The following CKAP5 variants were observed in gnomAD, a reference collection of about 807,000 sequenced individuals.
CKAP5 encodes the protein cytoskeleton associated protein 5, also known as cytoskeleton-associated protein 5.
A neutral mutation model predicts 232.8 loss-of-function variants in CKAP5; 27 were observed. The ratio of observed to expected loss-of-function variants is 0.12; its 90% CI spans 0.09 to 0.16. The LOEUF (loss-of-function observed/expected upper bound fraction) is 0.16. Among genes scored for constraint, CKAP5 ranks in the 10% least tolerant of loss-of-function variants. The pLI, the probability that CKAP5 is intolerant of heterozygous loss-of-function variation, is 1.00. For synonymous variants in CKAP5, 785 were observed against 841.1 expected (o/e 0.93, Z 1.16); for missense variants, 1,838 against 2,424.7 (o/e 0.76, Z 5.08).
chr11:46,747,558 T>A lies in CKAP5; in HGVS notation c.5704+2716A>T, dbSNP rs2065031300. ...CGGAGGGTGCAGTGAGCCAAGATCG[T>A]GCCATAGCACTCCAGCCTGGGCGAG... On this transcript the variant is annotated intron_variant, in intron 42 of 43. Transcript: ENST00000529230. 2.1e-5 allele frequency among the ~76,000 whole-genome samples: 3 copies of A among 143,788 alleles called. No homozygotes were observed. In the South Asian group the frequency reaches 6.5e-4, roughly 31 times the overall value. The allele number at this position is 143,788 out of a possible 152,430, so 94.3% of individuals were successfully genotyped here. A position where few individuals can be genotyped will look rare whatever the true frequency, so the allele number is the denominator to read the frequency against.
At chr11:46,800,308 G>A (rs370210718) in intron 9 of CKAP5, among the ~76,000 whole-genome samples, 1 of 152,008 alleles carries the variant, frequency 6.6e-6, no homozygotes, top group Non-Finnish European at 1.5e-5. Flanking sequence ...CTTCAGTTAA[G>A]TTCTCTGAGA....
chr11:46,764,380 A>C (rs1187905807), intron 28 of CKAP5, among the ~76,000 whole-genome samples: 1 of 152,202 alleles, frequency 6.6e-6, no homozygotes, highest in African/African-American at 2.4e-5. Context: ...TAAATGTCCA[A>C]CATAGTGGGC....
chr11:46,824,609 A>G (rs1287922371), intron 1 of CKAP5, among the ~76,000 whole-genome samples: 1 of 152,216 alleles, frequency 6.6e-6, no homozygotes, highest in East Asian at 1.9e-4. Flanking sequence ...ATGTCTGTAA[A>G]ATACAATAAA....
intron 17 of CKAP5, 66 bp downstream of exon 17, chr11:46,784,422 A>C: frequency 1.6e-6 from 2 of 1,254,160 alleles, no homozygotes; most frequent in Non-Finnish European, 2.2e-6. Flanking sequence ...ATGTTTAATT[A>C]GTAAGCTTAA....
rs777290124 is a variant in CKAP5, at chr11:46,818,485, T to C, written c.76A>G (p.Ser26Gly). ...ATCTTCAGGGCCTCTTCATACCCAC[T>C]TAACCTTGCTTTCCACAGCTAAAAG... ...CEHKLWKARL[S>G]GYEEALKIFQ... is the part of the protein sequence containing the mutation. The change falls in exon 3 of 44, where the codon AGT becomes GGT. Residue 26 changes from serine to glycine, a missense_variant. Around this residue, in one of 6 missense-constraint regions of CKAP5, gnomAD observed 285 missense variants for 300.0 expected, o/e 0.95. Transcript: ENST00000529230. The C allele has an allele frequency of 3.2e-6, 5 of 1,576,120 alleles. No individual in the cohort carries two copies. In the African/African-American group the frequency reaches 5.5e-5, roughly 17 times the overall value.
At chr11:46,767,716 T>C in intron 26 of CKAP5, 53 bp from the exon 27 acceptor site, 1 of 1,117,524 alleles carries the variant, frequency 8.9e-7, no homozygotes, top group South Asian at 1.4e-5. Flanking sequence ...TATCATTTTA[T>C]TTTGGACAGG....
At chr11:46,813,449 C>A (rs1455903402) in intron 4 of CKAP5, among the ~76,000 whole-genome samples, 3 of 152,032 alleles carry the variant, frequency 2.0e-5, no homozygotes, top group Non-Finnish European at 4.4e-5. Flanking sequence ...AAAATAGACA[C>A]CTTAATAAAA....
At chr11:46,776,889 T>C (rs1336554872) in intron 23 of CKAP5, among the ~76,000 whole-genome samples, 1 of 152,180 alleles carries the variant, frequency 6.6e-6, no homozygotes, top group Non-Finnish European at 1.5e-5. Context: ...AGTATAGAGA[T>C]ATTCAAATAT....
chr11:46,821,342 AT>A, intron 1 of CKAP5, 74 bp from the exon 2 acceptor site: 1 of 631,628 alleles, frequency 1.6e-6, no homozygotes, highest in Non-Finnish European at 2.7e-6. Context: ...TTCTGAGATT[AT>A]TATTTTATCA....
chr11:46,751,519 C>T lies in CKAP5; in HGVS notation c.5149G>A (p.Val1717Ile). Residue 1717 changes from valine (V) to isoleucine (I), a missense_variant, in exon 39 of 44, where the codon GTT (valine) becomes ATT (isoleucine). Physicochemically the swap from Val to Ile is conservative, Grantham distance 29. Transcript: ENST00000529230. Reference sequence around the variant, plus strand: ...TTGATGGTATCAGGCAACAGTCGAACCATTCTCCAGAGACACTATTGAAAA... The same window carrying T: ...TTGATGGTATCAGGCAACAGTCGAATCATTCTCCAGAGACACTATTGAAAA... ...ELVMKCLWRM[V>I]RLLPDTINSI... The T allele has an allele frequency of 6.2e-7, 1 of 1,611,372 alleles. No individual in the cohort carries two copies. The highest frequency in any genetic ancestry group is 8.5e-7 in the Non-Finnish European group (1 of 1,178,914).
rs530961953 is a variant in CKAP5 at position 46,801,104 on chromosome 11, T to A, written c.1083+96A>T. 7 of 781,414 alleles carry A rather than the reference T, an allele frequency of 9.0e-6. No homozygotes were observed. The East Asian group carries it at 1.6e-4, about 18-fold the overall frequency. The allele number at this position is 781,414 out of a possible 1,614,324, so 48.4% of individuals were successfully genotyped here. On this transcript the variant is annotated intron_variant, in intron 9 of 43. Coordinates refer to ENST00000529230, the MANE Select transcript of CKAP5 (RefSeq NM_001008938.4). ...ATTTACTTTGTACAGTATATACACA[T>A]CTATGCCAAGGAGTTGTTTTAAAGC... is the stretch of plus-strand genomic sequence containing the variant.
intron 43 of CKAP5, 31 bp from the exon 44 acceptor site, chr11:46,744,296 G>A (rs1036347397): frequency 1.2e-6 from 2 of 1,613,534 alleles, no homozygotes; most frequent in Non-Finnish European, 1.7e-6. Context: ...ATTGTCTAAG[G>A]TCAGGTCAAG....
Position 46,796,817 on chromosome 11 carries a change from C to T in CKAP5, c.1462G>A (p.Asp488Asn). The T allele has an allele frequency of 1.2e-6, 2 of 1,613,818 alleles. No homozygotes were observed. Among genetic ancestry groups the T allele is most frequent in the Non-Finnish European group, 1.7e-6 (2 of 1,179,794 alleles). ...CCAATCCATTACTAACCTACCTTAT[C>T]AAGCTTGAGTTTGTCCACATCAGCT... Reference protein sequence around the residue: ...FLADVDKLKLDKIKECSEKVE... With the variant: ...FLADVDKLKLNKIKECSEKVE... Residue 488 changes from aspartate (D) to asparagine (N), a missense_variant, in exon 12 of 44, where the codon GAT becomes AAT. By Grantham distance (23) the Asp-to-Asn change is conservative. Around this residue, in one of 6 missense-constraint regions of CKAP5, gnomAD observed 767 missense variants for 954.6 expected, o/e 0.80. Transcript: ENST00000529230.
At chr11:46,790,862 G>T (rs1938702360) in intron 13 of CKAP5, among the ~76,000 whole-genome samples, 1 of 152,034 alleles carries the variant, frequency 6.6e-6, no homozygotes, top group African/African-American at 2.4e-5. Context: ...TGTTGCCCAG[G>T]CTGGTCTCGA....
chr11:46,745,011 AAGGT>A (rs768967556), intron 42 of CKAP5, among the ~76,000 whole-genome samples: 11 of 152,220 alleles, frequency 7.2e-5, no homozygotes, highest in Admixed American at 2.0e-4. Flanking sequence ...TGAAGGAAGC[AAGGT>A]GTCCAAGGCT....
Position 46,773,558 on chromosome 11 carries a change from T to C in CKAP5, c.2992-2576A>G, listed in dbSNP as rs180929646. On this transcript the variant is annotated intron_variant, in intron 24 of 43. Coordinates refer to ENST00000529230, the MANE Select transcript of CKAP5 (RefSeq NM_001008938.4). ...GCCACTGCAACTGGACTTTTTTTTT[T>C]TTGAGATGGAATCTTGCTCTGTTAC... is the stretch of plus-strand genomic sequence containing the variant. Among the ~76,000 whole-genome samples the C allele has an allele frequency of 1.7e-3, 255 of 150,234 alleles. 1 individual carries two copies. Among genetic ancestry groups the C allele is most frequent in the Non-Finnish European group, 3.3e-3 (220 of 67,506 alleles).
intron 9 of CKAP5, among the ~76,000 whole-genome samples, chr11:46,800,622 T>C (rs1044613139): frequency 1.3e-5 from 2 of 152,142 alleles, no homozygotes; most frequent in Non-Finnish European, 2.9e-5. Flanking sequence ...AACAAACTTA[T>C]ACAAATAGTA....
Position 46,770,680 on chromosome 11 carries a change from C to T in CKAP5, c.3186+108G>A, listed in dbSNP as rs1473643571. On this transcript the variant is annotated intron_variant, in intron 25 of 43. Coordinates refer to ENST00000529230, the MANE Select transcript of CKAP5 (RefSeq NM_001008938.4). ...CTGACCTCAGGTAATCCACCTGTCT[C>T]GGCCTCCCAAAGTGTTGGGATTACA... 2.6e-5 allele frequency: 25 copies of T among 976,828 alleles called. 1 individual carries two copies. The highest frequency in any genetic ancestry group is 9.9e-5 in the South Asian group (6 of 60,882). 60.5% of individuals were successfully genotyped at this position (976,828 alleles called of 1,614,324 possible).
chr11:46,750,706 G>T, intron 40 of CKAP5, 95 bp from the exon 41 acceptor site: 1 of 934,994 alleles, frequency 1.1e-6, no homozygotes, highest in East Asian at 2.6e-5. Context: ...CTCAAAATCT[G>T]GGCCTTATTG....
Sources: allele counts gnomAD v4.1 joint callset (sites outside exome capture counted in the v4.1 genomes callset), GRCh38; gene constraint gnomAD v4.1.1; regional missense constraint gnomAD v4.1.1; transcripts MANE v1.5; gene names NCBI Gene and HGNC (gene_info 2026-07-23, HGNC 2026-07-21).